RPH3AL: variants seen among roughly 807,000 people sequenced by gnomAD.
RPH3AL encodes the protein rabphilin 3A like (without C2 domains), also known as rab effector Noc2.
RPH3AL carries 38 observed loss-of-function variants against 43.1 expected under a neutral mutation model. That is an observed-to-expected ratio of 0.88 (90% CI 0.68 to 1.15). RPH3AL has a LOEUF of 1.15. Among genes scored for constraint, RPH3AL ranks in the 50% most tolerant of loss-of-function variants. The pLI is 0.00. For synonymous variants in RPH3AL, 189 were observed against 176.3 expected (o/e 1.07, Z -0.57); for missense variants, 462 against 423.2 (o/e 1.09, Z -0.81).
chr17:285,200 CCT>C (rs143939239), intron 5 of RPH3AL, among the ~76,000 whole-genome samples: 7,894 of 152,214 alleles, frequency 0.052, 281 homozygotes, highest in Non-Finnish European at 0.079. Flanking sequence ...CCTCGGTCCC[CCT>C]GAGCCTGCAC....
intron 5 of RPH3AL, among the ~76,000 whole-genome samples, chr17:297,554 G>T (rs754579507): frequency 6.6e-6 from 1 of 152,222 alleles, no homozygotes; most frequent in Non-Finnish European, 1.5e-5. Flanking sequence ...CGGATCGGGC[G>T]TGGGTGGGAG....
chr17:262,427 G>A (rs989464917), intron 6 of RPH3AL, among the ~76,000 whole-genome samples: 20 of 152,226 alleles, frequency 1.3e-4, no homozygotes, highest in Non-Finnish European at 1.5e-4. Flanking sequence ...TGTTCGCCGG[G>A]CTGGTCTTGA....
In RPH3AL at chr17:245,431, A is replaced by G. The variant is rs549763424; in HGVS notation, c.613+1680T>C. Among the ~76,000 whole-genome samples, 72 of 138,946 alleles carry G rather than the reference A, an allele frequency of 5.2e-4. 1 individual carries two copies. The highest frequency in any genetic ancestry group is 1.9e-4 in the Non-Finnish European group (12 of 63,896). 91.2% of individuals were successfully genotyped at this position (138,946 alleles called of 152,430 possible). On this transcript the variant is annotated intron_variant, in intron 7 of 9. Transcript: ENST00000331302. This position sits in a 1 kb window ranked among gnomAD's most constrained non-coding sequence, Gnocchi z 5.9. ...TGTGTGTGCATGGTGATGTGTGTGT[A>G]GGTGTGAGCGTGTGTCAATGCGGTT...
At chr17:244,202 T>C (rs948381589) in intron 7 of RPH3AL, among the ~76,000 whole-genome samples, 7 of 123,536 alleles carry the variant, frequency 5.7e-5, no homozygotes, top group Non-Finnish European at 1.0e-4. Context: ...ACCCTTCCTC[T>C]ATTGATCACC....
At position 221,726 on chromosome 17, in the gene RPH3AL, G is replaced by C. The variant is rs539335764; in HGVS notation, c.614-1990C>G. ...TAGACCCAAGCACATCAGCTCTGAG[G>C]CCTCCACTCACTGAGACAATAGACC... On this transcript the variant is annotated intron_variant, in intron 7 of 9. Coordinates refer to ENST00000331302, the MANE Select transcript of RPH3AL (RefSeq NM_006987.4). Among the ~76,000 whole-genome samples, 419 of 131,968 alleles carry C rather than the reference G, an allele frequency of 3.2e-3. 8 individuals are homozygous for C. Among genetic ancestry groups the C allele is most frequent in the African/African-American group, 0.013 (402 of 31,998 alleles). 86.6% of individuals were successfully genotyped at this position (131,968 alleles called of 152,430 possible). A position where few individuals can be genotyped will look rare whatever the true frequency, so the allele number is the denominator to read the frequency against.
In RPH3AL at chr17:274,680, G is replaced by A. The variant is rs951805289; in HGVS notation, c.438+7088C>T. Reference sequence around the variant, plus strand: ...AAAGGTGCCTCCTGCATGGGGCAGGGTCACAGGCACAATCCCAGACCAAGG... The same window carrying A: ...AAAGGTGCCTCCTGCATGGGGCAGGATCACAGGCACAATCCCAGACCAAGG... On this transcript the variant is annotated intron_variant, in intron 6 of 9. Coordinates refer to ENST00000331302, the MANE Select transcript of RPH3AL (RefSeq NM_006987.4). The surrounding 1 kb of genome is among the most constrained non-coding windows in gnomAD (Gnocchi z 4.7). 6.6e-6 allele frequency among the ~76,000 whole-genome samples: 1 copy of A among 152,162 alleles called. No homozygotes were observed. Among genetic ancestry groups the A allele is most frequent in the African/African-American group, 2.4e-5 (1 of 41,440 alleles).
chr17:325,031 G>T lies in RPH3AL; in HGVS notation c.77+2436C>A, dbSNP rs571656376. On this transcript the variant is annotated intron_variant, in intron 3 of 9. Transcript: ENST00000331302. ...GTGCCAACACGACCGGCTAATTTTT[G>T]TATTTTTAGGAGAGACAGGGTTTCA... Among the ~76,000 whole-genome samples the T allele has an allele frequency of 4.6e-5, 7 of 151,776 alleles. No individual in the cohort carries two copies. The East Asian group carries it at 1.2e-3, about 25-fold the overall frequency.
At chr17:280,673 G>T (rs116550766) in intron 6 of RPH3AL, among the ~76,000 whole-genome samples, 2,325 of 152,276 alleles carry the variant, frequency 0.015, 65 homozygotes, top group African/African-American at 0.054. Context: ...AACCAATGGG[G>T]AATTGATCTC....
At chr17:259,810 C>A (rs529087297) in intron 6 of RPH3AL, among the ~76,000 whole-genome samples, 1 of 152,300 alleles carries the variant, frequency 6.6e-6, no homozygotes, top group Non-Finnish European at 1.5e-5. Context: ...TTTCAGCTCA[C>A]GGCCAATCTG....
At chr17:301,367 G>T (rs1041960375) in intron 5 of RPH3AL, among the ~76,000 whole-genome samples, 12 of 152,164 alleles carry the variant, frequency 7.9e-5, no homozygotes, top group African/African-American at 2.9e-4. Context: ...GCAGTGGCGG[G>T]AGCACGGCTC....
chr17:236,051 C>T (rs73277062), intron 7 of RPH3AL, among the ~76,000 whole-genome samples: 7,699 of 109,130 alleles, frequency 0.071, 316 homozygotes, highest in African/African-American at 0.11. Flanking sequence ...AGACGGGGGT[C>T]CCAGGTTCAA....
chr17:311,356 C>T (rs1222855135), intron 5 of RPH3AL, among the ~76,000 whole-genome samples: 5 of 152,196 alleles, frequency 3.3e-5, no homozygotes, highest in African/African-American at 9.7e-5. Flanking sequence ...TTGCCCAGCC[C>T]GTTTCCAGCT....
intron 7 of RPH3AL, among the ~76,000 whole-genome samples, chr17:237,760 C>G (rs532647384): frequency 1.3e-5 from 2 of 152,192 alleles, no homozygotes; most frequent in Non-Finnish European, 2.9e-5. Flanking sequence ...CTTCATGAAT[C>G]CAGAGGTCCT....
chr17:295,039 T>C (rs941241625), intron 5 of RPH3AL, among the ~76,000 whole-genome samples: 2 of 128,302 alleles, frequency 1.6e-5, no homozygotes, highest in African/African-American at 6.3e-5. Context: ...ACAGAGATGC[T>C]GCAGAAATGG....
intron 7 of RPH3AL, among the ~76,000 whole-genome samples, 195 bp from the exon 8 acceptor site, chr17:219,931 G>C (rs1229761007): frequency 6.6e-6 from 1 of 152,236 alleles, no homozygotes; most frequent in Admixed American, 6.5e-5. Flanking sequence ...AAAGAGGGGA[G>C]TCCTGATGTG....
intron 7 of RPH3AL, among the ~76,000 whole-genome samples, chr17:236,987 C>A (rs1385770507): frequency 6.6e-6 from 1 of 152,262 alleles, no homozygotes; most frequent in Non-Finnish European, 1.5e-5. Flanking sequence ...CCGTCTGTAG[C>A]TGCCCTGGAG....
At chr17:253,414 C>T (rs1364476378) in intron 6 of RPH3AL, among the ~76,000 whole-genome samples, 2 of 152,180 alleles carry the variant, frequency 1.3e-5, no homozygotes, top group African/African-American at 4.8e-5. Context: ...CTCATCTGTG[C>T]CAGTGAGTCC....
chr17:250,540 C>A (rs1436092262), intron 6 of RPH3AL, among the ~76,000 whole-genome samples: 1 of 149,138 alleles, frequency 6.7e-6, no homozygotes, highest in Non-Finnish European at 1.5e-5. Flanking sequence ...CTTTACTAAG[C>A]TCCATCGCTG....
intron 6 of RPH3AL, among the ~76,000 whole-genome samples, chr17:277,848 G>A (rs1164930067): frequency 2.6e-5 from 4 of 152,072 alleles, no homozygotes; most frequent in Non-Finnish European, 4.4e-5. Context: ...CCAGCTATTC[G>A]GGAGGCTGAG....
Sources: allele counts gnomAD v4.1 joint callset (sites outside exome capture counted in the v4.1 genomes callset), GRCh38; gene constraint gnomAD v4.1.1; non-coding constraint Gnocchi (gnomAD v3.1); transcripts MANE v1.5; gene names NCBI Gene and HGNC (gene_info 2026-07-23, HGNC 2026-07-21).